Variants in MBOAT1 observed in about 807,000 individuals in gnomAD.
MBOAT1 encodes membrane-bound glycerophospholipid O-acyltransferase 1.
In MBOAT1, 67 loss-of-function variants were observed where a neutral mutation model predicts 64.4. The ratio of observed to expected loss-of-function variants is 1.04; its 90% confidence interval spans 0.85 to 1.27. MBOAT1 has a LOEUF of 1.27. Among genes scored for constraint, MBOAT1 ranks in the 50% most tolerant of loss-of-function variants. MBOAT1 has a pLI of 0.00. For missense variants in MBOAT1, 563 were observed against 604.6 expected, an observed-to-expected ratio of 0.93 and a Z score of 0.72; for synonymous variants, 229 against 218.9, an observed-to-expected ratio of 1.05 and a Z score of -0.41.
intron 12 of MBOAT1, 83 bp from the exon 13 acceptor site, chr6:20,102,495 G>A: frequency 8.4e-7 from 1 of 1,189,370 alleles, no homozygotes; most frequent in South Asian, 1.5e-5. Context: ...CCTACAGTAT[G>A]ACAAGTGAGA....
rs1476006537 is a variant in MBOAT1 at position 20,100,967 on chromosome 6, C to T, written c.*1319G>A. 2.0e-5 allele frequency among the ~76,000 whole-genome samples: 3 copies of T among 152,140 alleles called. No homozygotes were observed. Among genetic ancestry groups the T allele is most frequent in the Non-Finnish European group, 2.9e-5 (2 of 68,030 alleles). ...TAGAAAAGAAAACTTTCAATGTCTG[C>T]TTTCCAATATGATGATTCAACTAAA... On this transcript the variant is annotated 3_prime_UTR_variant, in exon 13 of 13. Transcript: ENST00000324607.
chr6:20,131,746 A>C (rs1310299172), intron 4 of MBOAT1, among the ~76,000 whole-genome samples: 1 of 152,174 alleles, frequency 6.6e-6, no homozygotes, highest in Non-Finnish European at 1.5e-5. Flanking sequence ...CTTCGAAATC[A>C]CTTTACATAG....
At chr6:20,201,867 C>A (rs1561787212) in intron 1 of MBOAT1, among the ~76,000 whole-genome samples, 5 of 151,896 alleles carry the variant, frequency 3.3e-5, no homozygotes, top group Admixed American at 2.0e-4. Context: ...CAGAGCTGAG[C>A]CACCCTGCCC....
At position 20,102,388 on chromosome 6, in the gene MBOAT1, G is replaced by A; in HGVS notation, c.1386C>T (p.Ile462=). The stretch of plus-strand genomic sequence containing the variant: ...GAAATAGTATTATCAGGAGACTTAT[G>A]ATGTGCAAATAAAAGTACATGGACC... The part of the protein sequence containing the change: ...LYKSMYFYLH[I]ISLLIILFLP... Residue 462 remains isoleucine, a synonymous_variant, in exon 13 of 13, where the codon ATC becomes ATT. Coordinates refer to ENST00000324607, the MANE Select transcript of MBOAT1 (RefSeq NM_001080480.3). 1 of 1,610,324 alleles carries A rather than the reference G, an allele frequency of 6.2e-7. No individual in the cohort carries two copies. The highest frequency in any genetic ancestry group is 8.5e-7 in the Non-Finnish European group (1 of 1,177,142).
At chr6:20,165,437 G>A (rs1413641060) in intron 1 of MBOAT1, among the ~76,000 whole-genome samples, 1 of 151,934 alleles carries the variant, frequency 6.6e-6, no homozygotes, top group Non-Finnish European at 1.5e-5. Flanking sequence ...CCAACTCTAC[G>A]CAGAAGGCTT....
chr6:20,191,988 G>C (rs919262354), intron 1 of MBOAT1, among the ~76,000 whole-genome samples: 1 of 152,118 alleles, frequency 6.6e-6, no homozygotes, highest in Non-Finnish European at 1.5e-5. Context: ...TGTCCAACCA[G>C]TTGGAAAATA....
In MBOAT1 at chr6:20,131,037, G is replaced by T. The variant is rs1760811718; in HGVS notation, c.475+107C>A. On this transcript the variant is annotated intron_variant, in intron 5 of 12. Transcript: ENST00000324607. ...GGAAATTTTGAACAAGATAAAGCAAGATCTGCCAGCATTTGTCTAAACTTT... is the reference window on the plus strand; with the variant it reads ...GGAAATTTTGAACAAGATAAAGCAATATCTGCCAGCATTTGTCTAAACTTT... The T allele has an allele frequency of 1.5e-5, 15 of 974,280 alleles. No homozygotes were observed. The East Asian group carries it at 3.4e-4, about 22-fold the overall frequency. 60.4% of individuals were successfully genotyped at this position (974,280 alleles called of 1,614,324 possible). A position where few individuals can be genotyped will look rare whatever the true frequency, so the allele number is the denominator to read the frequency against.
intron 1 of MBOAT1, among the ~76,000 whole-genome samples, chr6:20,195,260 T>A (rs552252768): frequency 6.6e-6 from 1 of 152,348 alleles, no homozygotes; most frequent in South Asian, 2.1e-4. Flanking sequence ...CCTAGACTTC[T>A]CTATCTAATC....
intron 1 of MBOAT1, among the ~76,000 whole-genome samples, chr6:20,179,912 T>C (rs1245534740): frequency 1.7e-5 from 2 of 116,014 alleles, no homozygotes; most frequent in South Asian, 2.7e-4. Context: ...GAAAGATCAG[T>C]GATGTTGAGC....
At chr6:20,171,922 A>C (rs1022262933) in intron 1 of MBOAT1, among the ~76,000 whole-genome samples, 4 of 152,072 alleles carry the variant, frequency 2.6e-5, no homozygotes, top group African/African-American at 9.7e-5. Flanking sequence ...AGTCCCAGCT[A>C]CTTGGGAAGC....
At chr6:20,153,986 G>A (rs1761603788) in intron 1 of MBOAT1, among the ~76,000 whole-genome samples, 1 of 152,168 alleles carries the variant, frequency 6.6e-6, no homozygotes, top group African/African-American at 2.4e-5. Context: ...TGAAACCTCA[G>A]TATGAATTCA....
chr6:20,118,295 T>G lies in MBOAT1; in HGVS notation c.1011+142A>C, dbSNP rs1760387968. The G allele has an allele frequency of 6.1e-6, 4 of 659,074 alleles. No homozygotes were observed. The East Asian group carries it at 1.1e-4, about 19-fold the overall frequency. The allele number at this position is 659,074 out of a possible 1,614,324, so 40.8% of individuals were successfully genotyped here. Reference sequence around the variant, plus strand: ...AAAAACAATTCTGAGATGCAAAATGTCCAGTAGGCTGCTGAGCCTGGCAAT... The same window carrying G: ...AAAAACAATTCTGAGATGCAAAATGGCCAGTAGGCTGCTGAGCCTGGCAAT... On this transcript the variant is annotated intron_variant, in intron 9 of 12. Transcript: ENST00000324607.
rs1446655667 is a variant in MBOAT1, at chr6:20,212,157, G to C, written c.78C>G (p.Leu26=). The C allele has an allele frequency of 2.5e-6, 4 of 1,613,584 alleles. No homozygotes were observed. Among genetic ancestry groups the C allele is most frequent in the Non-Finnish European group, 3.4e-6 (4 of 1,179,896 alleles). ...GSTYLHPLSE[L]LGIPLDQVNF... ...TTACCTGGTCCAGCGGGATGCCCAG[G>C]AGCTCGCTGAGCGGGTGCAGGTAGG... The change falls in exon 1 of 13, where the codon CTC becomes CTG. Residue 26 remains leucine, a synonymous_variant. Coordinates refer to ENST00000324607, the MANE Select transcript of MBOAT1 (RefSeq NM_001080480.3).
At chr6:20,196,398 C>G (rs1490818912) in intron 1 of MBOAT1, among the ~76,000 whole-genome samples, 2 of 152,036 alleles carry the variant, frequency 1.3e-5, no homozygotes, top group Admixed American at 1.3e-4. Context: ...GAGAGGCAAA[C>G]TGAGTGAGAG....
chr6:20,162,820 C>T (rs1259131140), intron 1 of MBOAT1, among the ~76,000 whole-genome samples: 1 of 152,188 alleles, frequency 6.6e-6, no homozygotes, highest in Non-Finnish European at 1.5e-5. Flanking sequence ...TCCTTTCCAA[C>T]AACTGTTCTT....
chr6:20,170,789 T>C (rs1762165965), intron 1 of MBOAT1, among the ~76,000 whole-genome samples: 1 of 152,206 alleles, frequency 6.6e-6, no homozygotes, highest in Admixed American at 6.5e-5. Context: ...TGTATTGTAA[T>C]GACCTCTTTA....
chr6:20,182,148 TG>T (rs1432988140), intron 1 of MBOAT1, among the ~76,000 whole-genome samples: 5 of 152,322 alleles, frequency 3.3e-5, no homozygotes, highest in African/African-American at 7.2e-5. Flanking sequence ...CCATTCAGGC[TG>T]CTATAACAAA....
intron 1 of MBOAT1, among the ~76,000 whole-genome samples, chr6:20,193,380 T>C (rs938403583): frequency 6.6e-6 from 1 of 152,216 alleles, no homozygotes; most frequent in East Asian, 1.9e-4. Flanking sequence ...GATTCTGTAA[T>C]AAGGAGAGAC....
intron 11 of MBOAT1, among the ~76,000 whole-genome samples, chr6:20,110,550 ATAT>A (rs1760107828): frequency 6.6e-6 from 1 of 151,748 alleles, no homozygotes; most frequent in Non-Finnish European, 1.5e-5. Flanking sequence ...AATAATAATA[ATAT>A]GTGTTCACTG....
Sources: gnomAD v4.1 joint callset for allele counts (sites outside exome capture counted in the v4.1 genomes callset) on GRCh38, gnomAD v4.1.1 for gene constraint, MANE v1.5 for transcripts, NCBI Gene and HGNC (gene_info 2026-07-23, HGNC 2026-07-21) for gene names.